THSD4: variants seen among roughly 807,000 people sequenced by gnomAD.
THSD4 encodes thrombospondin type-1 domain-containing protein 4.
THSD4 carries 69 observed loss-of-function variants against 119.0 expected under a neutral mutation model. That is an observed-to-expected ratio of 0.58 (90% CI 0.48 to 0.71). The LOEUF (loss-of-function observed/expected upper bound fraction) is 0.71. Among genes scored for constraint, THSD4 ranks in the 30% least tolerant of loss-of-function variants. The pLI, the probability that THSD4 is intolerant of heterozygous loss-of-function variation, is 0.00. For synonymous variants in THSD4, 524 were observed against 540.4 expected, an observed-to-expected ratio of 0.97 and a Z score of 0.42; for missense variants, 1,393 against 1,391.1, an observed-to-expected ratio of 1.00 and a Z score of -0.02.
At chr15:71,641,821 A>G (rs2050863913) in intron 7 of THSD4, among the ~76,000 whole-genome samples, 1 of 152,116 alleles carries the variant, frequency 6.6e-6, no homozygotes, top group African/African-American at 2.4e-5. Flanking sequence ...CTAAAAAGAA[A>G]CTGTAAAAAA....
intron 8 of THSD4, among the ~76,000 whole-genome samples, chr15:71,693,523 G>A (rs1192811205): frequency 5.3e-5 from 8 of 152,054 alleles, no homozygotes; most frequent in Non-Finnish European, 1.0e-4. Context: ...AGTGCACACC[G>A]GTAGTCCCAG....
chr15:71,163,283 G>C (rs1341241962), intron 3 of THSD4, among the ~76,000 whole-genome samples: 1 of 150,814 alleles, frequency 6.6e-6, no homozygotes, highest in African/African-American at 2.4e-5. Context: ...GCAATTATTA[G>C]TTTATTAGTA....
intron 7 of THSD4, among the ~76,000 whole-genome samples, chr15:71,583,253 A>G (rs1454299292): frequency 6.6e-6 from 1 of 152,112 alleles, no homozygotes; most frequent in Non-Finnish European, 1.5e-5. Context: ...CTGTCATATC[A>G]GTTATAATCT....
intron 3 of THSD4, among the ~76,000 whole-genome samples, chr15:71,185,181 C>T (rs571401933): frequency 6.6e-6 from 1 of 151,924 alleles, no homozygotes; most frequent in South Asian, 2.1e-4. Context: ...TTTTAGTACA[C>T]ATTCAGCTCC....
intron 6 of THSD4, chr15:71,341,850 T>A: frequency 1.6e-6 from 1 of 637,776 alleles, no homozygotes. Context: ...ACTAGGTTTT[T>A]ATTATATTTC....
Position 71,707,839 on chromosome 15 carries a change from CCAAA to C in THSD4, c.1358-20705_1358-20702del, listed in dbSNP as rs150692435. On this transcript the variant is annotated intron_variant, in intron 8 of 17. Transcript: ENST00000261862. ...TTTGCTTGGAGAAAGCATCCTTTTC[CCAAA>C]CAAATGCCTTTCAAATAAAAACAAT... Among the ~76,000 whole-genome samples, 1,181 of 152,254 alleles carry C rather than the reference CCAAA, an allele frequency of 7.8e-3. 13 individuals are homozygous for C. The highest frequency in any genetic ancestry group is 0.027 in the African/African-American group (1,107 of 41,540).
intron 3 of THSD4, among the ~76,000 whole-genome samples, chr15:71,204,059 C>T (rs2043824442): frequency 6.6e-6 from 1 of 152,142 alleles, no homozygotes; most frequent in Non-Finnish European, 1.5e-5. Context: ...TGCAAATAGC[C>T]ACTTGCCGTG....
chr15:71,542,894 A>G (rs962848275), intron 7 of THSD4, among the ~76,000 whole-genome samples: 3 of 152,054 alleles, frequency 2.0e-5, no homozygotes, highest in African/African-American at 7.2e-5. Context: ...AAAACAAAAA[A>G]ACAAAAAAAA....
At chr15:71,656,180 T>C (rs2051187625) in intron 7 of THSD4, among the ~76,000 whole-genome samples, 1 of 152,086 alleles carries the variant, frequency 6.6e-6, no homozygotes, top group Admixed American at 6.6e-5. Flanking sequence ...TCAAAAAAAG[T>C]GCATCTAAAA....
chr15:71,121,722 G>C (rs964667157), intron 1 of THSD4, among the ~76,000 whole-genome samples: 12 of 152,168 alleles, frequency 7.9e-5, no homozygotes, highest in South Asian at 2.1e-4. Flanking sequence ...TGCTAGCTTT[G>C]TTGTGACCTG....
chr15:71,352,725 C>T (rs2045760224), intron 6 of THSD4, among the ~76,000 whole-genome samples: 1 of 152,210 alleles, frequency 6.6e-6, no homozygotes, highest in African/African-American at 2.4e-5. Flanking sequence ...AATTGTAACA[C>T]AGTGTCCTGT....
intron 7 of THSD4, among the ~76,000 whole-genome samples, chr15:71,582,020 G>A (rs1451638584): frequency 2.0e-5 from 3 of 152,060 alleles, no homozygotes; most frequent in Admixed American, 2.0e-4. Flanking sequence ...TGAATTTTAG[G>A]ATTGTTTTTC....
At chr15:71,456,588 G>C (rs570194513) in intron 7 of THSD4, among the ~76,000 whole-genome samples, 1 of 152,256 alleles carries the variant, frequency 6.6e-6, no homozygotes, top group African/African-American at 2.4e-5. Flanking sequence ...TATACTTGGT[G>C]GGTGGCTGAG....
intron 5 of THSD4, among the ~76,000 whole-genome samples, chr15:71,252,858 AAGTT>A (rs1206137005): frequency 5.4e-5 from 8 of 147,232 alleles, no homozygotes; most frequent in Non-Finnish European, 8.9e-5. Flanking sequence ...TGCTCAATAA[AAGTT>A]AGGTATCATC....
intron 4 of THSD4, 109 bp downstream of exon 4, chr15:71,215,508 G>A (rs1252487612): frequency 3.5e-6 from 4 of 1,137,854 alleles, no homozygotes; most frequent in Non-Finnish European, 3.5e-6. Context: ...TGCGACTAAT[G>A]CATTGCTCTG....
chr15:71,380,772 A>G (rs1311549227), intron 6 of THSD4, among the ~76,000 whole-genome samples: 1 of 150,770 alleles, frequency 6.6e-6, no homozygotes, highest in Non-Finnish European at 1.5e-5. Context: ...CTGGAGACAC[A>G]GTAGAAGAAA....
chr15:71,469,107 G>A (rs1223788537), intron 7 of THSD4, among the ~76,000 whole-genome samples: 5 of 152,200 alleles, frequency 3.3e-5, no homozygotes, highest in African/African-American at 4.8e-5. Flanking sequence ...TGCTTAATTT[G>A]ACATGTGATT....
rs571646705 is a variant in THSD4 at position 71,652,893 on chromosome 15, A to G, written c.1153-7637A>G. ...TCTCTTCAAATGAATGGCATCGTCA[A>G]TTTGATCTTCATTGATTCCTGTTTC... On this transcript the variant is annotated intron_variant, in intron 7 of 17. Coordinates refer to ENST00000261862, the MANE Select transcript of THSD4 (RefSeq NM_024817.3). Among the ~76,000 whole-genome samples the G allele has an allele frequency of 2.6e-5, 4 of 152,322 alleles. No homozygotes were observed. The East Asian group carries it at 5.8e-4, about 22-fold the overall frequency.
intron 7 of THSD4, among the ~76,000 whole-genome samples, chr15:71,575,652 G>C (rs559272762): frequency 6.6e-6 from 1 of 152,128 alleles, no homozygotes; most frequent in Non-Finnish European, 1.5e-5. Context: ...CTGTAGTTAC[G>C]TGTATTACCA....
Sources: allele counts gnomAD v4.1 joint callset (sites outside exome capture counted in the v4.1 genomes callset), GRCh38; gene constraint gnomAD v4.1.1; transcripts MANE v1.5; gene names NCBI Gene and HGNC (gene_info 2026-07-23, HGNC 2026-07-21).